MID1: variants seen among roughly 807,000 people sequenced by gnomAD.
MID1 encodes the protein midline 1.
In MID1, 7 loss-of-function variants were observed where a neutral mutation model predicts 40.4. The ratio of observed to expected loss-of-function variants is 0.17; its 90% CI spans 0.10 to 0.33. MID1 has a LOEUF of 0.33. Among genes scored for constraint, MID1 ranks in the 10% least tolerant of loss-of-function variants. The pLI, the probability that MID1 is intolerant of heterozygous loss-of-function variation, is 1.00. For synonymous variants in MID1, 229 were observed against 221.2 expected (o/e 1.04, Z -0.31); for missense variants, 367 against 558.5 (o/e 0.66, Z 3.46).
chrX:10,463,103 C>A (rs1756299861), intron 7 of MID1, among the ~76,000 whole-genome samples: 1 of 111,848 alleles, frequency 8.9e-6, no homozygotes, highest in Non-Finnish European at 1.9e-5. Context: ...GAAAACGTGG[C>A]AAACGTTGTA....
intron 1 of MID1, among the ~76,000 whole-genome samples, chrX:10,683,671 T>G (rs765447475): frequency 1.2e-4 from 13 of 109,242 alleles, no homozygotes; most frequent in African/African-American, 4.0e-4. Context: ...CACAAGCAAG[T>G]ACTCTGTGAT....
At chrX:10,687,194 T>G (rs1276909366) in intron 1 of MID1, among the ~76,000 whole-genome samples, 2 of 111,903 alleles carry the variant, frequency 1.8e-5, no homozygotes, top group Admixed American at 9.5e-5. Flanking sequence ...TTGGGCCAAA[T>G]AGATAGAGCC....
chrX:10,735,316 G>A (rs749194835), intron 1 of MID1, among the ~76,000 whole-genome samples: 56 of 111,795 alleles, frequency 5.0e-4, no homozygotes, highest in South Asian at 1.1e-3. Flanking sequence ...TGGCCAGGCC[G>A]GTCTCAAACT....
chrX:10,649,877 T>G (rs986372651), intron 1 of MID1, among the ~76,000 whole-genome samples: 1 of 112,335 alleles, frequency 8.9e-6, no homozygotes, highest in Non-Finnish European at 1.9e-5. Flanking sequence ...TATTAATTTT[T>G]GAACACTTAA....
intron 1 of MID1, among the ~76,000 whole-genome samples, chrX:10,782,179 C>T (rs1394162754): frequency 8.9e-5 from 10 of 112,056 alleles, no homozygotes. Context: ...GTCAATTGCT[C>T]AGGATCGAAA....
At chrX:10,560,417 G>C (rs1602404633) in intron 2 of MID1, among the ~76,000 whole-genome samples, 1 of 111,368 alleles carries the variant, frequency 9.0e-6, no homozygotes, top group African/African-American at 3.3e-5. Flanking sequence ...GAATAGGAGA[G>C]AGGAAGTCAA....
intron 2 of MID1, among the ~76,000 whole-genome samples, chrX:10,542,551 G>A: frequency 1.8e-5 from 2 of 112,085 alleles, no homozygotes; most frequent in Middle Eastern, 4.7e-3. Flanking sequence ...AACCTTTACT[G>A]TTCTAAATAC....
chrX:10,621,165 A>G (rs1193338497), upstream of MID1, among the ~76,000 whole-genome samples: 2 of 111,893 alleles, frequency 1.8e-5, no homozygotes, highest in Admixed American at 1.9e-4. Context: ...CCGAGGCATA[A>G]TTTCAAATAA....
At chrX:10,758,036 G>T (rs751923605) in intron 1 of MID1, among the ~76,000 whole-genome samples, 24 of 109,846 alleles carry the variant, frequency 2.2e-4, no homozygotes, top group Non-Finnish European at 4.2e-4. Context: ...CATGATCTCC[G>T]CTTTGCAGCC....
At chrX:10,646,252 A>G (rs1283582030) in intron 1 of MID1, among the ~76,000 whole-genome samples, 5 of 111,548 alleles carry the variant, frequency 4.5e-5, no homozygotes. Flanking sequence ...GCTTGCTGGC[A>G]GAGTTCAATT....
chrX:10,540,523 C>T (rs184529645), intron 2 of MID1, among the ~76,000 whole-genome samples: 1 of 111,709 alleles, frequency 9.0e-6, no homozygotes, highest in South Asian at 3.8e-4. Context: ...CTTTGATTGT[C>T]TGAGACCCAA....
chrX:10,564,295 T>C (rs1934443288), intron 2 of MID1, among the ~76,000 whole-genome samples: 1 of 112,317 alleles, frequency 8.9e-6, no homozygotes, highest in African/African-American at 3.2e-5. Flanking sequence ...ACATTTATAT[T>C]GTGCTTAGGT....
intron 9 of MID1, among the ~76,000 whole-genome samples, chrX:10,452,849 G>A (rs1231521814): frequency 9.0e-6 from 1 of 111,588 alleles, no homozygotes; most frequent in Non-Finnish European, 1.9e-5. Flanking sequence ...TGGTCTGATG[G>A]AATTTTGCAA....
chrX:10,543,121 A>G (rs1254953618), intron 2 of MID1, among the ~76,000 whole-genome samples: 1 of 112,414 alleles, frequency 8.9e-6, no homozygotes, highest in Non-Finnish European at 1.9e-5. Flanking sequence ...CTTTGGAACA[A>G]TAATTTTCAC....
intron 3 of MID1, among the ~76,000 whole-genome samples, chrX:10,511,929 G>A (rs1252489043): frequency 8.9e-6 from 1 of 112,087 alleles, no homozygotes; most frequent in African/African-American, 3.2e-5. Flanking sequence ...TTTGTGTTAA[G>A]TACTTGTGTG....
intron 2 of MID1, among the ~76,000 whole-genome samples, chrX:10,554,305 A>G (rs1364019992): frequency 2.7e-5 from 3 of 111,921 alleles, no homozygotes; most frequent in Non-Finnish European, 5.6e-5. Flanking sequence ...GCTAGTTATT[A>G]TTCTTGGTAA....
At chrX:10,738,541 C>T (rs1268252755) in intron 1 of MID1, among the ~76,000 whole-genome samples, 2 of 112,146 alleles carry the variant, frequency 1.8e-5, no homozygotes, top group Non-Finnish European at 3.8e-5. Flanking sequence ...AGCAAATACA[C>T]ATACAGATGC....
chrX:10,785,320 C>T (rs776174676), intron 1 of MID1, among the ~76,000 whole-genome samples: 10,547 of 108,817 alleles, frequency 0.097, 1,417 homozygotes, highest in African/African-American at 0.34. Context: ...TAAAAGAGGA[C>T]ACAAACAAAT....
chrX:10,513,164 T>C (rs1932242082), intron 3 of MID1, among the ~76,000 whole-genome samples: 1 of 112,615 alleles, frequency 8.9e-6, no homozygotes, highest in South Asian at 3.6e-4. Context: ...AAATGATATG[T>C]CTGGCTTCTT....
Sources: gnomAD v4.1 joint callset for allele counts (sites outside exome capture counted in the v4.1 genomes callset) on GRCh38, gnomAD v4.1.1 for gene constraint, MANE v1.5 for transcripts, NCBI Gene and HGNC (gene_info 2026-07-23, HGNC 2026-07-21) for gene names.